SMARCC2: variants seen among roughly 807,000 people sequenced by gnomAD.
SMARCC2 encodes the protein SWI/SNF complex subunit SMARCC2.
SMARCC2 carries 15 observed loss-of-function variants against 151.3 expected under a neutral mutation model. The observed-to-expected ratio is 0.10, with a 90% CI of 0.07 to 0.15. SMARCC2 has a LOEUF of 0.15. Among genes scored for constraint, SMARCC2 ranks in the 10% least tolerant of loss-of-function variants. The pLI is 1.00. For missense variants in SMARCC2, 1,031 were observed against 1,599.7 expected, an observed-to-expected ratio of 0.64 and a Z score of 6.06; for synonymous variants, 590 against 609.5, an observed-to-expected ratio of 0.97 and a Z score of 0.47.
chr12:56,169,875 C>T lies in SMARCC2; in HGVS notation c.2449G>A (p.Ala817Thr), dbSNP rs1481809769. The change falls in exon 24 of 29, where the codon GCA becomes ACA. Residue 817 changes from alanine (A) to threonine (T), a missense_variant. Around this residue, in one of 12 missense-constraint regions of SMARCC2, gnomAD observed 119 missense variants for 184.2 expected, o/e 0.65. Coordinates refer to ENST00000550164, the MANE Select transcript of SMARCC2 (RefSeq NM_001330288.2). ...GGAGCCTCGCTGGTTTTCTCTTTTG[C>T]TTCCTCCTCTATAGCACCCCCTCCT... is the stretch of plus-strand genomic sequence containing the variant. ...REGGGAIEEE[A>T]KEKTSEAPKK... 1 of 1,614,064 alleles carries T rather than the reference C, an allele frequency of 6.2e-7. No homozygotes were observed. The highest frequency in any genetic ancestry group is 1.7e-5 in the Admixed American group (1 of 60,024).
In SMARCC2 at chr12:56,177,976, T is replaced by G. The variant is rs201197119; in HGVS notation, c.1382+46A>C. On this transcript the variant is annotated intron_variant, in intron 15 of 28. Coordinates refer to ENST00000550164, the MANE Select transcript of SMARCC2 (RefSeq NM_001330288.2). ...GTTACTGGATCAGGAAGGGTGAATG[T>G]GGGGACAGGAGGGAGAAGGAGAATC... The G allele has an allele frequency of 2.5e-3, 3,258 of 1,288,676 alleles. 4 individuals carry two copies. Among genetic ancestry groups the G allele is most frequent in the Non-Finnish European group, 3.4e-3 (3,019 of 894,014 alleles). The allele number at this position is 1,288,676 out of a possible 1,614,324, so 79.8% of individuals were successfully genotyped here. A position where few individuals can be genotyped will look rare whatever the true frequency, so the allele number is the denominator to read the frequency against.
At chr12:56,163,827 C>T (rs1361721036) in intron 28 of SMARCC2, 62 bp from the exon 29 acceptor site, 1 of 1,110,464 alleles carries the variant, frequency 9.0e-7, no homozygotes, top group Non-Finnish European at 1.2e-6. Flanking sequence ...CAGACCCAGA[C>T]CACCACAGAC....
At chr12:56,170,816 T>C (rs1281765594) in intron 22 of SMARCC2, among the ~76,000 whole-genome samples, 1 of 142,820 alleles carries the variant, frequency 7.0e-6, no homozygotes, top group Non-Finnish European at 1.5e-5. Flanking sequence ...CACTGCAACC[T>C]CTGGCACCCA....
intron 3 of SMARCC2, 24 bp downstream of exon 3, chr12:56,186,131 G>C: frequency 2.0e-6 from 3 of 1,483,470 alleles, no homozygotes; most frequent in Non-Finnish European, 2.8e-6. Context: ...CTAAATATAA[G>C]AAGAATAGAG....
At chr12:56,177,100 C>A (rs547879809) in intron 15 of SMARCC2, among the ~76,000 whole-genome samples, 1 of 152,166 alleles carries the variant, frequency 6.6e-6, no homozygotes, top group Admixed American at 6.5e-5. Flanking sequence ...GGATTACAGG[C>A]ATGAGCCACC....
Position 56,174,760 on chromosome 12 carries a change from G to C in SMARCC2, c.1387C>G (p.Leu463Val). 6.3e-7 allele frequency: 1 copy of C among 1,596,884 alleles called. No homozygotes were observed. Among genetic ancestry groups the C allele is most frequent in the Non-Finnish European group, 8.6e-7 (1 of 1,164,688 alleles). ...KNKSKTPEIY[L>V]AYRNFMIDTY... ...TCAATCATAAAGTTTCGATAGGCCA[G>C]GTAGCTTAGAAGAAAGAGAGAGAGA... The change falls in exon 16 of 29, where the codon CTG becomes GTG. Residue 463 changes from leucine to valine, a missense_variant. By Grantham distance (32) the Leu-to-Val change is conservative. Transcript: ENST00000550164.
chr12:56,181,424 CCTT>C, intron 10 of SMARCC2, 55 bp downstream of exon 10: 4 of 1,099,818 alleles, frequency 3.6e-6, no homozygotes, highest in Non-Finnish European at 5.3e-6. Flanking sequence ...GTCTTTCCTT[CCTT>C]CAACATGATG....
intron 7 of SMARCC2, among the ~76,000 whole-genome samples, chr12:56,182,837 A>G (rs1217675410): frequency 7.0e-6 from 1 of 142,698 alleles, no homozygotes; most frequent in Non-Finnish European, 1.5e-5. Flanking sequence ...GATATTTTAC[A>G]TGCTTTTTTT....
At chr12:56,183,583 T>TG (rs1304248520) in intron 7 of SMARCC2, 1 of 330,648 alleles carries the variant, frequency 3.0e-6, no homozygotes, top group Non-Finnish European at 5.6e-6. Context: ...CTGAAACATT[T>TG]TCCTACTGTT....
intron 1 of SMARCC2, among the ~76,000 whole-genome samples, chr12:56,188,286 A>G (rs893870330): frequency 2.0e-5 from 3 of 152,182 alleles, no homozygotes; most frequent in Non-Finnish European, 2.9e-5. Flanking sequence ...CCATAGAAAT[A>G]GCAGCTATTT....
In SMARCC2 at chr12:56,189,381, C is replaced by T. The variant is rs148514904; in HGVS notation, c.81G>A (p.Val27=). ...AADTVTQFDN[V]RLWLGKNYKK... Reference sequence around the variant, plus strand: ...TGTAGTTCTTGCCGAGCCACAGCCGCACGTTGTCGAACTGGGTCACGGTGT... The same window carrying T: ...TGTAGTTCTTGCCGAGCCACAGCCGTACGTTGTCGAACTGGGTCACGGTGT... Residue 27 remains valine, a synonymous_variant, in exon 1 of 29, where the codon GTG becomes GTA. Transcript: ENST00000550164. 5,959 of 1,543,294 alleles carry T rather than the reference C, an allele frequency of 3.9e-3. 26 individuals are homozygous for T. The highest frequency in any genetic ancestry group is 4.8e-3 in the Non-Finnish European group (5,436 of 1,142,102).
intron 11 of SMARCC2, 109 bp from the exon 12 acceptor site, chr12:56,179,165 C>T: frequency 2.3e-6 from 2 of 862,550 alleles, no homozygotes. Context: ...CACCTGATTG[C>T]AAAATATAGT....
At chr12:56,165,865 G>A (rs11171763) in intron 26 of SMARCC2, among the ~76,000 whole-genome samples, 166 bp from the exon 27 acceptor site, 1 of 152,108 alleles carries the variant, frequency 6.6e-6, no homozygotes, top group African/African-American at 2.4e-5. Context: ...ACCCGACTTC[G>A]TGCAAATTCC....
At chr12:56,181,334 TCTC>T (rs1316421829) in intron 10 of SMARCC2, 145 bp downstream of exon 10, 7 of 645,854 alleles carry the variant, frequency 1.1e-5, no homozygotes, top group East Asian at 8.2e-5. Context: ...CAGCTAAAGA[TCTC>T]CTCATCTTCC....
At position 56,178,341 on chromosome 12, in the gene SMARCC2, C is replaced by G. The variant is rs1025663932; in HGVS notation, c.1310+63G>C. 3.2e-6 allele frequency: 5 copies of G among 1,580,484 alleles called. No individual in the cohort carries two copies. The South Asian group carries it at 5.5e-5, about 18-fold the overall frequency. On this transcript the variant is annotated intron_variant, in intron 14 of 28. Transcript: ENST00000550164. ...TATTTGGAGGAGGCAGGGAGAAGAACAGCCTGTTGACCCCTGGAGGCAGGG... is the reference window on the plus strand; with the variant it reads ...TATTTGGAGGAGGCAGGGAGAAGAAGAGCCTGTTGACCCCTGGAGGCAGGG...
At position 56,162,444 on chromosome 12, in the gene SMARCC2, G is replaced by A; in HGVS notation, c.*1245C>T. ...AATTTACAGAAAACTTTGAACAGAA[G>A]AAAGGTGCTAAGACGCAGAGGGAGA... On this transcript the variant is annotated 3_prime_UTR_variant, in exon 29 of 29. Transcript: ENST00000550164. The A allele has an allele frequency of 1.6e-6, 1 of 619,560 alleles. No individual in the cohort carries two copies. The highest frequency in any genetic ancestry group is 2.9e-5 in the Admixed American group (1 of 34,422). 38.4% of individuals were successfully genotyped at this position (619,560 alleles called of 1,614,324 possible).
chr12:56,164,763 A>G, intron 27 of SMARCC2, 32 bp from the exon 28 acceptor site: 1 of 1,527,710 alleles, frequency 6.5e-7, no homozygotes, highest in Non-Finnish European at 8.9e-7. Flanking sequence ...GGAGAAAATT[A>G]GGTATAAAAT....
intron 1 of SMARCC2, among the ~76,000 whole-genome samples, chr12:56,188,216 C>G (rs140306278): frequency 6.6e-6 from 1 of 152,196 alleles, no homozygotes; most frequent in African/African-American, 2.4e-5. Flanking sequence ...CCTGATCTCC[C>G]TGCAAAAGGT....
At chr12:56,167,610 T>G (rs989714264) in intron 26 of SMARCC2, among the ~76,000 whole-genome samples, 7 of 152,102 alleles carry the variant, frequency 4.6e-5, no homozygotes, top group African/African-American at 9.7e-5. Context: ...TCTTACCCTC[T>G]CTCTCATCAT....
Sources: gnomAD v4.1 joint callset for allele counts (sites outside exome capture counted in the v4.1 genomes callset) on GRCh38, gnomAD v4.1.1 for gene constraint, gnomAD v4.1.1 regional missense constraint, MANE v1.5 for transcripts, NCBI Gene and HGNC (gene_info 2026-07-23, HGNC 2026-07-21) for gene names.